Variants in CECR2 observed in about 807,000 individuals in gnomAD.
CECR2 encodes chromatin remodeling regulator CECR2.
Under a neutral mutation model 154.5 loss-of-function variants are expected in CECR2, and 30 were observed. The ratio of observed to expected loss-of-function variants is 0.19; its 90% CI spans 0.15 to 0.26. The LOEUF is 0.26. Among genes scored for constraint, CECR2 ranks in the 10% least tolerant of loss-of-function variants. The pLI is 1.00. For missense variants in CECR2, 1,743 were observed against 1,829.3 expected, an observed-to-expected ratio of 0.95 and a Z score of 0.86; for synonymous variants, 725 against 683.7, an observed-to-expected ratio of 1.06 and a Z score of -0.94.
intron 1 of CECR2, among the ~76,000 whole-genome samples, chr22:17,447,464 T>G (rs1219693172): frequency 1.3e-5 from 2 of 151,842 alleles, no homozygotes; most frequent in Non-Finnish European, 1.5e-5. Context: ...TTTACAATCC[T>G]TTAGCTAGAC....
At chr22:17,466,492 A>G (rs1173491247) in intron 1 of CECR2, among the ~76,000 whole-genome samples, 1 of 152,186 alleles carries the variant, frequency 6.6e-6, no homozygotes, top group Non-Finnish European at 1.5e-5. Flanking sequence ...AAATGATGCC[A>G]TTAATACCTA....
At chr22:17,522,214 T>TA (rs1208944411) in intron 8 of CECR2, among the ~76,000 whole-genome samples, 1 of 152,186 alleles carries the variant, frequency 6.6e-6, no homozygotes, top group African/African-American at 2.4e-5. Flanking sequence ...ACTGATACCT[T>TA]ATGGTGTTTT....
At chr22:17,444,780 AT>A (rs764254166) in intron 1 of CECR2, among the ~76,000 whole-genome samples, 4 of 152,150 alleles carry the variant, frequency 2.6e-5, no homozygotes, top group Non-Finnish European at 4.4e-5. Flanking sequence ...AGAAGTAAAT[AT>A]TTTTCTTCTA....
Position 17,532,700 on chromosome 22 carries a change from C to CTTTTTTTTTTTTTTTTTTTTTTTTTT in CECR2, c.1109-4393_1109-4368dup, listed in dbSNP as rs695634. Among the ~76,000 whole-genome samples, 3 of 35,770 alleles carry CTTTTTTTTTTTTTTTTTTTTTTTTTT rather than the reference C, an allele frequency of 8.4e-5. 1 individual carries two copies. Among genetic ancestry groups the CTTTTTTTTTTTTTTTTTTTTTTTTTT allele is most frequent in the Non-Finnish European group, 1.4e-4 (3 of 21,414 alleles). 23.5% of individuals were successfully genotyped at this position (35,770 alleles called of 152,430 possible). ...CCAAGTAGGTATATTCATTATTATT[C>CTTTTTTTTTTTTTTTTTTTTTTTTTT]TTTTTTTTTTTTTTTTTTTTTTTTT... On this transcript the variant is annotated intron_variant, in intron 9 of 18. Coordinates refer to ENST00000262608, the MANE Select transcript of CECR2 (RefSeq NM_001290047.2).
At chr22:17,441,210 A>G (rs888838952) in intron 1 of CECR2, among the ~76,000 whole-genome samples, 4 of 152,150 alleles carry the variant, frequency 2.6e-5, no homozygotes, top group Admixed American at 2.0e-4. Flanking sequence ...TGGCTTCTCA[A>G]AAGTGCTGGG....
Position 17,548,779 on chromosome 22 carries a change from G to A in CECR2, c.3492G>A (p.Gln1164=). Residue 1164 remains glutamine, a synonymous_variant, in exon 17 of 19, where the codon CAG becomes CAA. Transcript: ENST00000262608. ...AGCATTTTCCCCCAAGGGGCTTTCAGTCTAACCACCCACATTCTGGAGGCT... is the reference window on the plus strand; with the variant it reads ...AGCATTTTCCCCCAAGGGGCTTTCAATCTAACCACCCACATTCTGGAGGCT... ...HPQHFPPRGF[Q]SNHPHSGGFP... 2 of 1,613,768 alleles carry A rather than the reference G, an allele frequency of 1.2e-6. No homozygotes were observed. Among genetic ancestry groups the A allele is most frequent in the Non-Finnish European group, 1.7e-6 (2 of 1,179,854 alleles).
At chr22:17,529,346 G>C (rs1296877624) in intron 9 of CECR2, among the ~76,000 whole-genome samples, 1 of 152,124 alleles carries the variant, frequency 6.6e-6, no homozygotes, top group Non-Finnish European at 1.5e-5. Flanking sequence ...GGCTGGGCAT[G>C]AATTGAGTCC....
chr22:17,377,380 T>G (rs145087624), intron 1 of CECR2, among the ~76,000 whole-genome samples: 219 of 152,274 alleles, frequency 1.4e-3, no homozygotes, highest in East Asian at 1.4e-3. Context: ...GCTTTGAGAT[T>G]TTGAGGAATT....
rs142232030 is a variant in CECR2, at chr22:17,432,275, G to A, written c.127-45313G>A. On this transcript the variant is annotated intron_variant, in intron 1 of 18. Transcript: ENST00000262608. Reference sequence around the variant, plus strand: ...TTTCACTTAGCAGAATGTTTTTATGGTTTATTTATGTTGTGGCAGGCATTA... The same window carrying A: ...TTTCACTTAGCAGAATGTTTTTATGATTTATTTATGTTGTGGCAGGCATTA... Among the ~76,000 whole-genome samples the A allele has an allele frequency of 2.6e-5, 4 of 152,336 alleles. No homozygotes were observed. The East Asian group carries it at 7.7e-4, about 29-fold the overall frequency.
At chr22:17,451,054 G>A (rs1161513812) in intron 1 of CECR2, among the ~76,000 whole-genome samples, 1 of 152,244 alleles carries the variant, frequency 6.6e-6, no homozygotes, top group Non-Finnish European at 1.5e-5. Context: ...CCGTGTCAAA[G>A]AGGACAGACT....
upstream of CECR2, among the ~76,000 whole-genome samples, chr22:17,367,552 A>T (rs1033543884): frequency 1.9e-4 from 29 of 151,520 alleles, no homozygotes; most frequent in African/African-American, 6.6e-4. Context: ...CACCCATCTA[A>T]TTTTATGTAT....
chr22:17,428,826 G>A (rs4819588), intron 1 of CECR2, among the ~76,000 whole-genome samples: 45 of 150,704 alleles, frequency 3.0e-4, no homozygotes, highest in South Asian at 1.7e-3. Context: ...GTGTGTGTGT[G>A]TATATAAAGG....
At chr22:17,428,884 T>C (rs909924432) in intron 1 of CECR2, among the ~76,000 whole-genome samples, 1 of 151,196 alleles carries the variant, frequency 6.6e-6, no homozygotes, top group Non-Finnish European at 1.5e-5. Context: ...GGTGGGGTAA[T>C]GTGCTCAAGA....
At chr22:17,424,619 C>A in intron 1 of CECR2, 1 of 162,450 alleles carries the variant, frequency 6.2e-6, no homozygotes. Context: ...CATGGCTGTT[C>A]ATGATCACCC....
At chr22:17,369,975 G>A (rs2063035204) in intron 1 of CECR2, 66 bp downstream of exon 1, 1 of 151,110 alleles carries the variant, frequency 6.6e-6, no homozygotes, top group Non-Finnish European at 1.5e-5. Flanking sequence ...CGCGCGGGGT[G>A]TCCCGGGCCG....
At chr22:17,368,012 T>G (rs1198615821), upstream of CECR2, among the ~76,000 whole-genome samples, 1 of 152,220 alleles carries the variant, frequency 6.6e-6, no homozygotes, top group African/African-American at 2.4e-5. Flanking sequence ...GTTGTTTTTC[T>G]GTGCCAGGAG....
At chr22:17,429,421 A>G (rs2054383906) in intron 1 of CECR2, among the ~76,000 whole-genome samples, 1 of 151,502 alleles carries the variant, frequency 6.6e-6, no homozygotes, top group Non-Finnish European at 1.5e-5. Context: ...CACAAGGGAG[A>G]CCGGGCGCGG....
intron 1 of CECR2, among the ~76,000 whole-genome samples, chr22:17,471,796 A>G (rs539577786): frequency 2.6e-5 from 4 of 152,146 alleles, no homozygotes; most frequent in East Asian, 1.9e-4. Context: ...CAGCCTCCCA[A>G]AGTGCTGGGA....
At chr22:17,403,489 C>A (rs1272179603) in intron 1 of CECR2, among the ~76,000 whole-genome samples, 7 of 152,116 alleles carry the variant, frequency 4.6e-5, no homozygotes, top group Admixed American at 3.9e-4. Flanking sequence ...ACTTGTTTTC[C>A]AAAGTAAACA....
Sources: allele counts gnomAD v4.1 joint callset (sites outside exome capture counted in the v4.1 genomes callset), GRCh38; gene constraint gnomAD v4.1.1; transcripts MANE v1.5; gene names NCBI Gene and HGNC (gene_info 2026-07-23, HGNC 2026-07-21).